Variants in KLF12 observed in about 807,000 individuals in gnomAD.
The protein encoded by KLF12 is Krueppel-like factor 12.
In KLF12, 9 loss-of-function variants were observed where a neutral mutation model predicts 37.8. The ratio of observed to expected loss-of-function variants is 0.24; its 90% confidence interval spans 0.14 to 0.42. KLF12 has a LOEUF of 0.42. Ranked by LOEUF, KLF12 falls within the 10% of genes least tolerant of loss-of-function variation. KLF12 has a pLI of 1.00. For synonymous variants in KLF12, 208 were observed against 202.1 expected (o/e 1.03, Z -0.25); for missense variants, 411 against 516.0 (o/e 0.80, Z 1.97).
intron 7 of KLF12, among the ~76,000 whole-genome samples, chr13:73,700,992 G>C (rs1454230820): frequency 6.6e-6 from 1 of 152,184 alleles, no homozygotes; most frequent in South Asian, 2.1e-4. Context: ...CCAGTAGTAT[G>C]TGTAAATGAG....
intron 1 of KLF12, among the ~76,000 whole-genome samples, chr13:74,005,137 C>G (rs1052738437): frequency 3.9e-5 from 6 of 152,100 alleles, no homozygotes; most frequent in African/African-American, 1.4e-4. Context: ...ATATTTCCCT[C>G]AACTCTTAGA....
At chr13:73,902,946 T>A (rs1041832880) in intron 3 of KLF12, among the ~76,000 whole-genome samples, 4 of 152,252 alleles carry the variant, frequency 2.6e-5, no homozygotes, top group Non-Finnish European at 4.4e-5. Flanking sequence ...TTTGGAGAAC[T>A]GCTGAGACAT....
chr13:74,047,546 G>A (rs567609138), intron 1 of KLF12, among the ~76,000 whole-genome samples: 10 of 151,476 alleles, frequency 6.6e-5, no homozygotes, highest in Middle Eastern at 3.4e-3. Flanking sequence ...GCAGTGAGCC[G>A]AGATCCAGCC....
At chr13:73,834,242 T>C (rs1253887228) in intron 4 of KLF12, among the ~76,000 whole-genome samples, 1 of 152,168 alleles carries the variant, frequency 6.6e-6, no homozygotes, top group Non-Finnish European at 1.5e-5. Context: ...TTATTCTTAC[T>C]ATACGTTACC....
intron 2 of KLF12, among the ~76,000 whole-genome samples, chr13:73,983,038 T>C (rs987002749): frequency 2.0e-5 from 3 of 152,266 alleles, no homozygotes; most frequent in East Asian, 1.9e-4. Flanking sequence ...ATTTCATTCA[T>C]CCTCTTGTTC....
chr13:73,971,802 G>A (rs899543421), intron 2 of KLF12, among the ~76,000 whole-genome samples: 6 of 152,194 alleles, frequency 3.9e-5, no homozygotes, highest in African/African-American at 1.4e-4. Flanking sequence ...GGCTAAGGCA[G>A]AAGGATCATT....
intron 2 of KLF12, among the ~76,000 whole-genome samples, chr13:73,983,306 C>A (rs75424840): frequency 0.016 from 2,489 of 152,216 alleles, 61 homozygotes; most frequent in African/African-American, 0.057. Flanking sequence ...CAGAAGCTGC[C>A]CTATGCCACC....
chr13:74,017,679 C>A (rs111656702), intron 1 of KLF12, among the ~76,000 whole-genome samples: 1 of 149,784 alleles, frequency 6.7e-6, no homozygotes, highest in African/African-American at 2.5e-5. Flanking sequence ...GATAAGTTGG[C>A]GACTGTCAAA....
intron 3 of KLF12, among the ~76,000 whole-genome samples, chr13:73,927,114 C>A (rs1334334148): frequency 6.6e-6 from 1 of 152,080 alleles, no homozygotes; most frequent in Non-Finnish European, 1.5e-5. Context: ...ACAATAATTC[C>A]CATTTTATCT....
intron 1 of KLF12, among the ~76,000 whole-genome samples, chr13:74,044,786 G>A (rs765107694): frequency 4.6e-5 from 7 of 151,300 alleles, no homozygotes; most frequent in Non-Finnish European, 7.4e-5. Context: ...CAGAGGTTGC[G>A]GTAAGCCAAG....
chr13:74,251,633 C>A, the KLF12 span, among the ~76,000 whole-genome samples: 2 of 152,084 alleles, frequency 1.3e-5, 1 homozygote, highest in South Asian at 4.2e-4. Flanking sequence ...ATCTTCCTAC[C>A]CTCCCCCACC....
chr13:74,013,571 A>G (rs562749749), intron 1 of KLF12, among the ~76,000 whole-genome samples: 96 of 152,234 alleles, frequency 6.3e-4, no homozygotes, highest in Admixed American at 1.3e-3. Flanking sequence ...CCAGTTCATG[A>G]TATGTGTTGT....
chr13:74,050,381 G>A (rs115984199), intron 1 of KLF12, among the ~76,000 whole-genome samples: 1,536 of 152,192 alleles, frequency 0.01, 19 homozygotes, highest in African/African-American at 0.031. Flanking sequence ...TCCTCAGAAA[G>A]GATGATATGC....
chr13:74,276,658 C>T, the KLF12 span, among the ~76,000 whole-genome samples: 1 of 152,114 alleles, frequency 6.6e-6, no homozygotes, highest in Non-Finnish European at 1.5e-5. Flanking sequence ...ATAAGCCTTC[C>T]TACAAATGAC....
chr13:73,984,071 C>T (rs1015098516), intron 2 of KLF12, among the ~76,000 whole-genome samples: 1 of 152,160 alleles, frequency 6.6e-6, no homozygotes, highest in African/African-American at 2.4e-5. Flanking sequence ...CAACAGAGGT[C>T]TATAATCCTC....
At chr13:73,980,589 A>T (rs1048123921) in intron 2 of KLF12, among the ~76,000 whole-genome samples, 1 of 152,214 alleles carries the variant, frequency 6.6e-6, no homozygotes, top group African/African-American at 2.4e-5. Context: ...CAGAGAAAAT[A>T]ATTTCTATAC....
At chr13:73,863,214 T>C (rs1886012719) in intron 3 of KLF12, among the ~76,000 whole-genome samples, 1 of 152,158 alleles carries the variant, frequency 6.6e-6, no homozygotes, top group Non-Finnish European at 1.5e-5. Flanking sequence ...ATTAGCAATT[T>C]TCCTGTGAAT....
At chr13:74,226,715 A>G in the KLF12 span, among the ~76,000 whole-genome samples, 1 of 152,292 alleles carries the variant, frequency 6.6e-6, no homozygotes, top group South Asian at 2.1e-4. Flanking sequence ...GTCTGCACAT[A>G]CTTTTGCAAT....
At chr13:74,149,965 G>A in the KLF12 span, among the ~76,000 whole-genome samples, 1 of 152,172 alleles carries the variant, frequency 6.6e-6, no homozygotes, top group Non-Finnish European at 1.5e-5. Context: ...CCCAGTCAGT[G>A]AGGGCTTCCC....
Sources: gnomAD v4.1 joint callset for allele counts (sites outside exome capture counted in the v4.1 genomes callset) on GRCh38, gnomAD v4.1.1 for gene constraint, MANE v1.5 for transcripts, NCBI Gene and HGNC (gene_info 2026-07-23, HGNC 2026-07-21) for gene names.